The following RNF168 variants were observed in gnomAD, a reference collection of about 807,000 sequenced individuals.
RNF168 encodes E3 ubiquitin-protein ligase RNF168.
A neutral mutation model predicts 34.9 loss-of-function variants in RNF168; 34 were observed. The ratio of observed to expected loss-of-function variants is 0.97; its 90% CI spans 0.74 to 1.30. RNF168 has a LOEUF of 1.30. Among genes scored for constraint, RNF168 ranks in the 50% most tolerant of loss-of-function variants. The pLI is 0.00. For synonymous variants in RNF168, 264 were observed against 254.7 expected, an observed-to-expected ratio of 1.04 and a Z score of -0.35; for missense variants, 725 against 682.5, an observed-to-expected ratio of 1.06 and a Z score of -0.69.
chr3:196,494,592 T>C (rs902183762), intron 1 of RNF168, among the ~76,000 whole-genome samples: 1 of 152,204 alleles, frequency 6.6e-6, no homozygotes, highest in African/African-American at 2.4e-5. Context: ...TAAATGTGCA[T>C]TCCTGGGCTG....
In RNF168 at chr3:196,500,780, C is replaced by T. The variant is rs1401302174; in HGVS notation, c.301+2093G>A. On this transcript the variant is annotated intron_variant, in intron 1 of 5. Coordinates refer to ENST00000318037, the MANE Select transcript of RNF168 (RefSeq NM_152617.4). ...AGGCTGGAGTGCGGTGGCGTGATCT[C>T]GGCTCACTGCAAGCTCCGCCTCCCG... Among the ~76,000 whole-genome samples the T allele has an allele frequency of 4.6e-5, 7 of 151,844 alleles. No individual in the cohort carries two copies. In the East Asian group the frequency reaches 1.2e-3, roughly 25 times the overall value.
In RNF168 at chr3:196,502,766, C is replaced by T. The variant is rs942914951; in HGVS notation, c.301+107G>A. ...CCTCTGAGAACTATTTAGACAAATA[C>T]TAGTCGGGTTTTTTGGTTTGTTTTT... On this transcript the variant is annotated intron_variant, in intron 1 of 5. Transcript: ENST00000318037. 3.2e-5 allele frequency: 30 copies of T among 936,270 alleles called. No individual in the cohort carries two copies. The African/African-American group carries it at 3.7e-4, about 12-fold the overall frequency. 58.0% of individuals were successfully genotyped at this position (936,270 alleles called of 1,614,324 possible). A position where few individuals can be genotyped will look rare whatever the true frequency, so the allele number is the denominator to read the frequency against.
At chr3:196,485,944 A>G (rs1732411922) in intron 3 of RNF168, among the ~76,000 whole-genome samples, 1 of 152,162 alleles carries the variant, frequency 6.6e-6, no homozygotes, top group South Asian at 2.1e-4. Context: ...TCCCATCCCT[A>G]GAGACTCTGA....
chr3:196,472,413 A>G lies in RNF168; in HGVS notation c.1122T>C (p.Asn374=), dbSNP rs778054450. The G allele has an allele frequency of 6.2e-7, 1 of 1,613,328 alleles. No homozygotes were observed. The highest frequency in any genetic ancestry group is 1.1e-5 in the South Asian group (1 of 90,930). ...TNGNNTGETE[N]EESCLLISKE... Reference sequence around the variant, plus strand: ...TACTGATCAGTAGGCACGACTCTTCATTTTCTGTCTCACCTGTGTTGTTTC... The same window carrying G: ...TACTGATCAGTAGGCACGACTCTTCGTTTTCTGTCTCACCTGTGTTGTTTC... The change falls in exon 6 of 6, where the codon AAT becomes AAC. Residue 374 remains asparagine, a synonymous_variant. Coordinates refer to ENST00000318037, the MANE Select transcript of RNF168 (RefSeq NM_152617.4).
rs1415186394 is a variant in RNF168 at position 196,469,878 on chromosome 3, T to C, written c.*1941A>G. 2 of 152,348 alleles carry C rather than the reference T, an allele frequency of 1.3e-5. No homozygotes were observed. Among genetic ancestry groups the C allele is most frequent in the African/African-American group, 4.8e-5 (2 of 41,594 alleles). 9.4% of individuals were successfully genotyped at this position (152,348 alleles called of 1,614,324 possible). On this transcript the variant is annotated 3_prime_UTR_variant, in exon 6 of 6. Transcript: ENST00000318037. Reference sequence around the variant, plus strand: ...ATTTTTTTCTGGAATAGCAGATGCATAGAAATGCAGGTTTCCAAAAATTCA... The same window carrying C: ...ATTTTTTTCTGGAATAGCAGATGCACAGAAATGCAGGTTTCCAAAAATTCA...
In RNF168 at chr3:196,503,646, C is replaced by T. The variant is rs1268898448; in HGVS notation, c.-473G>A. 4.7e-6 allele frequency: 1 copy of T among 213,066 alleles called. No homozygotes were observed. Among genetic ancestry groups the T allele is most frequent in the Non-Finnish European group, 9.7e-6 (1 of 103,022 alleles). The allele number at this position is 213,066 out of a possible 1,614,324, so 13.2% of individuals were successfully genotyped here. A position where few individuals can be genotyped will look rare whatever the true frequency, so the allele number is the denominator to read the frequency against. ...CGCTTTACCGCTGCTGCGGGGGAGA[C>T]GCGCGACTCCCGTGTTCACCTTTCG... On this transcript the variant is annotated 5_prime_UTR_variant, in exon 1 of 6. Coordinates refer to ENST00000318037, the MANE Select transcript of RNF168 (RefSeq NM_152617.4).
At chr3:196,480,018 G>A (rs908317159) in intron 4 of RNF168, among the ~76,000 whole-genome samples, 6 of 152,142 alleles carry the variant, frequency 3.9e-5, no homozygotes, top group Non-Finnish European at 8.8e-5. Flanking sequence ...CGGGGAGGGG[G>A]ACACTGACTG....
rs574142448 is a variant in RNF168, at chr3:196,472,857, T to G, written c.763-85A>C. The G allele has an allele frequency of 2.8e-5, 22 of 780,580 alleles. No homozygotes were observed. In the South Asian group the frequency reaches 3.1e-4, roughly 11 times the overall value. 48.4% of individuals were successfully genotyped at this position (780,580 alleles called of 1,614,324 possible). On this transcript the variant is annotated intron_variant, in intron 5 of 5. Transcript: ENST00000318037. ...AGTCTAATTACACTGATACTACAGC[T>G]GGACTGTCACTATACATTATTATTA...
At chr3:196,494,959 G>A (rs1732701182) in intron 1 of RNF168, among the ~76,000 whole-genome samples, 1 of 152,118 alleles carries the variant, frequency 6.6e-6, no homozygotes, top group Non-Finnish European at 1.5e-5. Flanking sequence ...GGCGGTGGAG[G>A]GTACAGTGAG....
chr3:196,492,705 G>A (rs971446038), intron 1 of RNF168, among the ~76,000 whole-genome samples: 7 of 152,102 alleles, frequency 4.6e-5, no homozygotes, highest in African/African-American at 1.7e-4. Flanking sequence ...TTGAACCCGA[G>A]AGGCAGAGGT....
intron 1 of RNF168, among the ~76,000 whole-genome samples, chr3:196,500,317 T>C (rs1222119481): frequency 1.3e-5 from 2 of 152,200 alleles, no homozygotes; most frequent in East Asian, 3.8e-4. Flanking sequence ...TGGAACATTA[T>C]TCAGCCTGGA....
chr3:196,483,682 C>CT, intron 4 of RNF168, 88 bp downstream of exon 4: 1 of 1,169,840 alleles, frequency 8.5e-7, no homozygotes. Context: ...ACGGACCAAA[C>CT]TTTGAGAATC....
At position 196,475,383 on chromosome 3, in the gene RNF168, A is replaced by G. The variant is rs1732120081; in HGVS notation, c.681-71T>C. On this transcript the variant is annotated intron_variant, in intron 4 of 5. Transcript: ENST00000318037. Reference sequence around the variant, plus strand: ...GGTATGTACCCAACATAATAAAGCTATTTATACCGAAGGTTGTCTGGTTTG... The same window carrying G: ...GGTATGTACCCAACATAATAAAGCTGTTTATACCGAAGGTTGTCTGGTTTG... The G allele has an allele frequency of 1.0e-5, 9 of 868,730 alleles. No individual in the cohort carries two copies. The South Asian group carries it at 1.1e-4, about 11-fold the overall frequency. 53.8% of individuals were successfully genotyped at this position (868,730 alleles called of 1,614,324 possible).
chr3:196,490,359 C>T (rs528711932), intron 1 of RNF168, among the ~76,000 whole-genome samples: 1 of 152,228 alleles, frequency 6.6e-6, no homozygotes, highest in African/African-American at 2.4e-5. Flanking sequence ...CTGTCTGTTT[C>T]AAGGGGCAGC....
chr3:196,474,447 CTTTTTTT>C (rs78108021), intron 5 of RNF168, among the ~76,000 whole-genome samples: 15 of 121,378 alleles, frequency 1.2e-4, no homozygotes, highest in African/African-American at 3.1e-4. Context: ...TTGTAATATT[CTTTTTTT>C]TTTTTTTTTT....
chr3:196,486,983 C>T (rs1488427320), intron 3 of RNF168, among the ~76,000 whole-genome samples: 3 of 152,144 alleles, frequency 2.0e-5, no homozygotes, highest in South Asian at 2.1e-4. Flanking sequence ...CGGAGCCCGG[C>T]CGTCGAGGCT....
At position 196,472,111 on chromosome 3, in the gene RNF168, T is replaced by C; in HGVS notation, c.1424A>G (p.His475Arg). ...NRQKGSPDEY[H>R]LRATSSPPDK... is the part of the protein sequence containing the mutation. ...TGGAGGGGAGGATGTAGCGCGTAAG[T>C]GATACTCATCTGGGGATCCTTTTTG... is the stretch of plus-strand genomic sequence containing the variant. The change falls in exon 6 of 6, where the codon CAC (histidine) becomes CGC (arginine). Residue 475 changes from histidine (H) to arginine (R), a missense_variant. His to Arg is a conservative substitution (Grantham distance 29). Transcript: ENST00000318037. The C allele has an allele frequency of 1.2e-6, 2 of 1,614,024 alleles. No individual in the cohort carries two copies. The highest frequency in any genetic ancestry group is 1.1e-5 in the South Asian group (1 of 91,030).
chr3:196,483,964 T>A, intron 3 of RNF168, 73 bp from the exon 4 acceptor site: 1 of 1,142,494 alleles, frequency 8.8e-7, no homozygotes, highest in Non-Finnish European at 1.3e-6. Context: ...TTAATTTGAC[T>A]AATTCAGAAA....
chr3:196,496,730 G>A (rs1470176746), intron 1 of RNF168, among the ~76,000 whole-genome samples: 1 of 152,244 alleles, frequency 6.6e-6, no homozygotes, highest in African/African-American at 2.4e-5. Flanking sequence ...TAGGCTGGGT[G>A]TGGCGGTTCA....
Sources: gnomAD v4.1 joint callset for allele counts (sites outside exome capture counted in the v4.1 genomes callset) on GRCh38, gnomAD v4.1.1 for gene constraint, MANE v1.5 for transcripts, NCBI Gene and HGNC (gene_info 2026-07-23, HGNC 2026-07-21) for gene names.